Variants in TMEM45A observed in about 807,000 individuals in gnomAD.
TMEM45A encodes the protein DNA polymerase-transactivated protein 4.
A neutral mutation model predicts 32.0 loss-of-function variants in TMEM45A; 25 were observed. That is an observed-to-expected ratio of 0.78 (90% CI 0.57 to 1.09). The LOEUF (loss-of-function observed/expected upper bound fraction) is 1.09, where lower values mean the gene tolerates loss of function less well. Among genes scored for constraint, TMEM45A ranks in the 50% least tolerant of loss-of-function variants. TMEM45A has a pLI of 0.00. For synonymous variants in TMEM45A, 122 were observed against 114.8 expected (o/e 1.06, Z -0.40); for missense variants, 302 against 325.0 (o/e 0.93, Z 0.54).
chr3:100,519,615 T>C (rs1232391550), intron 1 of TMEM45A: 2 of 1,550,802 alleles, frequency 1.3e-6, no homozygotes, highest in Admixed American at 3.9e-5. Context: ...AAAGGTTAGT[T>C]TGGCGTTTCT....
At chr3:100,498,214 AG>A (rs1707959209) in intron 1 of TMEM45A, among the ~76,000 whole-genome samples, 1 of 152,218 alleles carries the variant, frequency 6.6e-6, no homozygotes, top group African/African-American at 2.4e-5. Flanking sequence ...AAGCCTCCCC[AG>A]CCATGTGGAA....
intron 5 of TMEM45A, chr3:100,571,408 ATGATT>A (rs1210808159): frequency 1.3e-5 from 2 of 152,036 alleles, no homozygotes; most frequent in African/African-American, 2.4e-5. Flanking sequence ...ATATATAAAG[ATGATT>A]TAATATTGAA....
intron 4 of TMEM45A, among the ~76,000 whole-genome samples, chr3:100,565,818 A>G (rs756986777): frequency 5.9e-5 from 9 of 152,160 alleles, no homozygotes; most frequent in Non-Finnish European, 1.0e-4. Context: ...AAAGTGTACA[A>G]TTTAGTGGCA....
At chr3:100,533,395 G>T (rs1005690786) in intron 1 of TMEM45A, among the ~76,000 whole-genome samples, 1 of 152,092 alleles carries the variant, frequency 6.6e-6, no homozygotes, top group Non-Finnish European at 1.5e-5. Flanking sequence ...AGACAGCTAA[G>T]CCTTGATCAC....
intron 1 of TMEM45A, among the ~76,000 whole-genome samples, chr3:100,514,552 G>A (rs1397773904): frequency 3.3e-5 from 5 of 151,792 alleles, no homozygotes; most frequent in Non-Finnish European, 7.4e-5. Context: ...TTACCATTCA[G>A]GACATAGGCA....
At chr3:100,537,439 C>T (rs774365850) in intron 1 of TMEM45A, among the ~76,000 whole-genome samples, 1 of 152,136 alleles carries the variant, frequency 6.6e-6, no homozygotes, top group Non-Finnish European at 1.5e-5. Flanking sequence ...CCATTGATTG[C>T]CCTTGTCTTC....
intron 1 of TMEM45A, among the ~76,000 whole-genome samples, chr3:100,535,246 G>A (rs1387173485): frequency 6.6e-6 from 1 of 151,894 alleles, no homozygotes; most frequent in Non-Finnish European, 1.5e-5. Flanking sequence ...TCAGCCTTCC[G>A]AGTAGCTGGG....
At chr3:100,513,456 G>T (rs1243720329) in intron 1 of TMEM45A, among the ~76,000 whole-genome samples, 1 of 149,616 alleles carries the variant, frequency 6.7e-6, no homozygotes, top group African/African-American at 2.5e-5. Flanking sequence ...CAATAAATTA[G>T]GTATTGATGG....
intron 4 of TMEM45A, among the ~76,000 whole-genome samples, chr3:100,567,518 CAAAAAAAA>C (rs780009246): frequency 3.1e-5 from 2 of 63,498 alleles, no homozygotes; most frequent in Non-Finnish European, 6.0e-5. Context: ...ACCATTTCTG[CAAAAAAAA>C]AAAAAAAAAA....
intron 5 of TMEM45A, chr3:100,573,431 C>A (rs1180506243): frequency 6.6e-6 from 1 of 152,046 alleles, no homozygotes; most frequent in Non-Finnish European, 1.5e-5. Context: ...AGAATGCTTG[C>A]GATTTTTGTA....
At chr3:100,540,838 G>T (rs1234653233) in intron 1 of TMEM45A, among the ~76,000 whole-genome samples, 5 of 152,124 alleles carry the variant, frequency 3.3e-5, no homozygotes, top group Non-Finnish European at 7.4e-5. Flanking sequence ...TTTCTTTTGG[G>T]TATATACCCA....
intron 1 of TMEM45A, among the ~76,000 whole-genome samples, chr3:100,539,438 T>TATGCATATACATATGCATATGC (rs1453426235): frequency 1.8e-5 from 2 of 108,950 alleles, no homozygotes; most frequent in Admixed American, 8.5e-5. Flanking sequence ...ATAGGATATG[T>TATGCATATACATATGCATATGC]ATATGTATAT....
intron 1 of TMEM45A, among the ~76,000 whole-genome samples, chr3:100,522,001 G>C (rs10936221): frequency 0.54 from 82,642 of 151,848 alleles, 24,314 homozygotes; most frequent in African/African-American, 0.77. Flanking sequence ...GCATTTTGGT[G>C]CTCCAGTTAT....
At chr3:100,514,948 A>G (rs1341435162) in intron 1 of TMEM45A, among the ~76,000 whole-genome samples, 8 of 149,902 alleles carry the variant, frequency 5.3e-5, no homozygotes, top group African/African-American at 2.0e-4. Context: ...CACCAGTTAG[A>G]ATGGCAATCA....
At chr3:100,519,494 T>C (rs1477344281) in intron 1 of TMEM45A, 10 of 1,471,382 alleles carry the variant, frequency 6.8e-6, no homozygotes, top group Non-Finnish European at 9.3e-6. Flanking sequence ...AAGCAAAGGC[T>C]CAATTTTGGC....
At chr3:100,501,841 A>G (rs1708011960) in intron 1 of TMEM45A, among the ~76,000 whole-genome samples, 2 of 152,206 alleles carry the variant, frequency 1.3e-5, no homozygotes, top group African/African-American at 4.8e-5. Flanking sequence ...GTCAACAACT[A>G]GGGTTGCCAC....
chr3:100,526,793 C>A (rs1705553651), intron 1 of TMEM45A, among the ~76,000 whole-genome samples: 1 of 152,170 alleles, frequency 6.6e-6, no homozygotes, highest in Admixed American at 6.5e-5. Context: ...CTACAAAGAA[C>A]AGACTGTCTT....
intron 1 of TMEM45A, among the ~76,000 whole-genome samples, chr3:100,542,876 G>T (rs1338749075): frequency 1.3e-5 from 2 of 152,068 alleles, no homozygotes; most frequent in East Asian, 3.9e-4. Context: ...AGGCATTGGG[G>T]ACCACTAGAG....
rs1706500293 is a variant in TMEM45A at position 100,568,937 on chromosome 3, T to A, written c.704T>A (p.Ile235Asn). 1 of 1,613,578 alleles carries A rather than the reference T, an allele frequency of 6.2e-7. No homozygotes were observed. Among genetic ancestry groups the A allele is most frequent in the East Asian group, 2.2e-5 (1 of 44,866 alleles). ...TGGCATTATGCAGTAACCATTGTCA[T>A]CGTTGGAATGAATTATGCTTTCATT... ...FCWHYAVTIV[I>N]VGMNYAFITW... Residue 235 changes from isoleucine to asparagine, a missense_variant, in exon 5 of 6, where the codon ATC becomes AAC. Coordinates refer to ENST00000323523, the MANE Select transcript of TMEM45A (RefSeq NM_018004.3).
Sources: gnomAD v4.1 joint callset for allele counts (sites outside exome capture counted in the v4.1 genomes callset) on GRCh38, gnomAD v4.1.1 for gene constraint, MANE v1.5 for transcripts, NCBI Gene and HGNC (gene_info 2026-07-23, HGNC 2026-07-21) for gene names.